CDAN1: variants seen among roughly 807,000 people sequenced by gnomAD.
CDAN1 encodes codanin 1, also known as codanin-1.
A neutral mutation model predicts 139.8 loss-of-function variants in CDAN1; 107 were observed. The ratio of observed to expected loss-of-function variants is 0.77; its 90% confidence interval spans 0.65 to 0.90. The LOEUF (loss-of-function observed/expected upper bound fraction) is 0.90, where lower values mean the gene tolerates loss of function less well. Among genes scored for constraint, CDAN1 ranks in the 40% least tolerant of loss-of-function variants. CDAN1 has a pLI of 0.00. For missense variants in CDAN1, 1,667 were observed against 1,575.7 expected (o/e 1.06, Z -0.98); for synonymous variants, 776 against 660.6 (o/e 1.17, Z -2.68).
Position 42,728,049 on chromosome 15 carries a change from A to G in CDAN1, c.2869-16T>C, listed in dbSNP as rs1566980938. 5 of 1,613,244 alleles carry G rather than the reference A, an allele frequency of 3.1e-6. No homozygotes were observed. The highest frequency in any genetic ancestry group is 4.2e-6 in the Non-Finnish European group (5 of 1,179,322). On this transcript the variant is annotated splice_polypyrimidine_tract_variant and intron_variant, in intron 21 of 27. Coordinates refer to ENST00000356231, the MANE Select transcript of CDAN1 (RefSeq NM_138477.4). ...TGCTCAGAACCTGCGAAACAGAACT[A>G]CAGAGTCAGGGGCTAGGGGAGGGCT...
intron 10 of CDAN1, 132 bp from the exon 11 acceptor site, chr15:42,731,957 T>C: frequency 1.2e-6 from 1 of 847,780 alleles, no homozygotes; most frequent in Non-Finnish European, 1.9e-6. Context: ...ATAGATTTTC[T>C]GAGATGTGAA....
At chr15:42,733,889 A>G (rs770989374) in intron 8 of CDAN1, 49 bp downstream of exon 8, 1 of 1,376,470 alleles carries the variant, frequency 7.3e-7, no homozygotes, top group Non-Finnish European at 1.0e-6. Flanking sequence ...TGCCTATTCC[A>G]GAAAAATGTC....
intron 27 of CDAN1, 70 bp downstream of exon 27, chr15:42,725,074 C>A: frequency 7.5e-7 from 1 of 1,330,634 alleles, no homozygotes; most frequent in Non-Finnish European, 1.1e-6. Flanking sequence ...CCATCACTTG[C>A]TTCCTTTCAG....
Position 42,735,598 on chromosome 15 carries a change from G to T in CDAN1, c.855C>A (p.Ser285Arg). The change falls in exon 4 of 28, where the codon AGC (serine) becomes AGA (arginine). Residue 285 changes from serine to arginine, a missense_variant. Around this residue, in one of 3 missense-constraint regions of CDAN1, gnomAD observed 487 missense variants for 422.2 expected, o/e 1.15. Transcript: ENST00000356231. ...LGSPLPSRTG[S>R]LTDEPADPAR... is the part of the protein sequence containing the mutation. Reference sequence around the variant, plus strand: ...CAGGGTCTGCAGGTTCATCTGTGAGGCTTCCTGTCCGGCTGGGGAGGGGCG... The same window carrying T: ...CAGGGTCTGCAGGTTCATCTGTGAGTCTTCCTGTCCGGCTGGGGAGGGGCG... The T allele has an allele frequency of 1.9e-6, 3 of 1,614,234 alleles. No homozygotes were observed. The highest frequency in any genetic ancestry group is 2.5e-6 in the Non-Finnish European group (3 of 1,180,032).
Position 42,735,198 on chromosome 15 carries a change from C to A in CDAN1, c.1058-20G>T. The A allele has an allele frequency of 6.2e-7, 1 of 1,609,546 alleles. No individual in the cohort carries two copies. Among genetic ancestry groups the A allele is most frequent in the Non-Finnish European group, 8.5e-7 (1 of 1,176,018 alleles). Reference sequence around the variant, plus strand: ...GGGAATCTAGAAGGACAGTACCAAGCTGTCAGTTAAGAACGGTCCCGTTTC... The same window carrying A: ...GGGAATCTAGAAGGACAGTACCAAGATGTCAGTTAAGAACGGTCCCGTTTC... On this transcript the variant is annotated intron_variant, in intron 5 of 27. Transcript: ENST00000356231.
chr15:42,731,879 G>C (rs2061617573), intron 10 of CDAN1, 54 bp from the exon 11 acceptor site: 22 of 1,490,664 alleles, frequency 1.5e-5, no homozygotes, highest in Middle Eastern at 1.7e-4. Context: ...TGGGAGGGAA[G>C]GACTGAACAA....
rs556055256 is a variant in CDAN1 at position 42,728,385 on chromosome 15, G to A, written c.2805-118C>T. ...AGGCTGTACCTTGGAAGGAGGCACC[G>A]TTTGCCCTCCCGCCCCACCCCAGGT... On this transcript the variant is annotated intron_variant, in intron 20 of 27. Transcript: ENST00000356231. The A allele has an allele frequency of 6.7e-5, 80 of 1,188,088 alleles. No homozygotes were observed. In the East Asian group the frequency reaches 8.0e-4, roughly 12 times the overall value. 73.6% of individuals were successfully genotyped at this position (1,188,088 alleles called of 1,614,324 possible).
Position 42,724,344 on chromosome 15 carries a change from G to C in CDAN1, c.*147C>G, listed in dbSNP as rs2061495050. On this transcript the variant is annotated 3_prime_UTR_variant, in exon 28 of 28. Transcript: ENST00000356231. ...CTAGGATTCGCGTGGTGGGATGCCAGGCAGTGACACCCTTAGAGCAGGAAG... is the reference window on the plus strand; with the variant it reads ...CTAGGATTCGCGTGGTGGGATGCCACGCAGTGACACCCTTAGAGCAGGAAG... 1 of 1,072,866 alleles carries C rather than the reference G, an allele frequency of 9.3e-7. No individual in the cohort carries two copies. The highest frequency in any genetic ancestry group is 1.4e-5 in the South Asian group (1 of 72,964). The allele number at this position is 1,072,866 out of a possible 1,614,324, so 66.5% of individuals were successfully genotyped here. A position where few individuals can be genotyped will look rare whatever the true frequency, so the allele number is the denominator to read the frequency against.
intron 21 of CDAN1, 64 bp downstream of exon 21, chr15:42,728,140 G>C: frequency 1.3e-6 from 2 of 1,596,392 alleles, no homozygotes; most frequent in Non-Finnish European, 8.6e-7. Flanking sequence ...CGCAGCCTCA[G>C]ACTACTCCGT....
chr15:42,725,385 A>G (rs1184654387), intron 26 of CDAN1, 104 bp downstream of exon 26: 1 of 1,509,476 alleles, frequency 6.6e-7, no homozygotes, highest in Non-Finnish European at 9.2e-7. Context: ...TCTGTGTGGA[A>G]CAGGAAGGGG....
chr15:42,736,184 C>T (rs1297131738), intron 2 of CDAN1, 106 bp from the exon 3 acceptor site: 2 of 1,572,914 alleles, frequency 1.3e-6, no homozygotes, highest in South Asian at 2.3e-5. Context: ...CAAAAACCCT[C>T]ACCATCACCC....
At chr15:42,728,510 AG>A (rs1347752314) in intron 20 of CDAN1, 141 bp downstream of exon 20, 1 of 1,257,232 alleles carries the variant, frequency 8.0e-7, no homozygotes, top group Non-Finnish European at 1.1e-6. Flanking sequence ...CAGCCAGTGC[AG>A]GGCTTATAGA....
In CDAN1 at chr15:42,732,390, G is replaced by C. The variant is rs201934948; in HGVS notation, c.1476C>G (p.Leu492=). 1.9e-6 allele frequency: 3 copies of C among 1,613,970 alleles called. No homozygotes were observed. Among genetic ancestry groups the C allele is most frequent in the Admixed American group, 1.7e-5 (1 of 60,004 alleles). Residue 492 remains leucine, a synonymous_variant, in exon 10 of 28, where the codon CTC becomes CTG. Transcript: ENST00000356231. The part of the protein sequence containing the change: ...GSRIRAMMGQ[L]SAACSHSHFV... ...AGTGGCTGTGGCTGCAGGCTGCGGA[G>C]AGCTGACCCATCATGGCCCTGAGGA...
intron 9 of CDAN1, 125 bp from the exon 10 acceptor site, chr15:42,732,533 G>T: frequency 1.2e-6 from 1 of 843,494 alleles, no homozygotes; most frequent in Non-Finnish European, 2.0e-6. Context: ...CTCAGCCAGA[G>T]CCAGCCTGCA....
Position 42,736,783 on chromosome 15 carries a change from A to G in CDAN1, c.91-3T>C. 6.5e-7 allele frequency: 1 copy of G among 1,531,134 alleles called. No individual in the cohort carries two copies. Among genetic ancestry groups the G allele is most frequent in the Non-Finnish European group, 8.7e-7 (1 of 1,145,818 alleles). The allele number at this position is 1,531,134 out of a possible 1,614,324, so 94.8% of individuals were successfully genotyped here. A position where few individuals can be genotyped will look rare whatever the true frequency, so the allele number is the denominator to read the frequency against. Reference sequence around the variant, plus strand: ...GCGGCCGCCTCCCCAGCGTTATCCTAGGGCAGAAGCACAGGTGGAGGGGCG... The same window carrying G: ...GCGGCCGCCTCCCCAGCGTTATCCTGGGGCAGAAGCACAGGTGGAGGGGCG... On this transcript the variant is annotated splice_polypyrimidine_tract_variant and splice_region_variant and intron_variant, in intron 1 of 27. Coordinates refer to ENST00000356231, the MANE Select transcript of CDAN1 (RefSeq NM_138477.4).
Position 42,736,344 on chromosome 15 carries a change from T to G in CDAN1, c.527A>C (p.Glu176Ala). Residue 176 changes from glutamate to alanine, a missense_variant, in exon 2 of 28, where the codon GAG becomes GCG. This residue lies in a region of CDAN1 where 487 missense variants were observed against 422.2 expected (regional missense o/e 1.15). Transcript: ENST00000356231. The part of the protein sequence containing the change: ...LSDPPNLSNL[E>A]EFPPVGSVPP... The stretch of plus-strand genomic sequence containing the variant: ...AACCGAGCCTACGGGAGGGAACTCC[T>G]CCAGGTTGCTGAGGTTTGGCGGATC... 2 of 1,613,898 alleles carry G rather than the reference T, an allele frequency of 1.2e-6. No homozygotes were observed. The highest frequency in any genetic ancestry group is 2.2e-5 in the South Asian group (2 of 91,086).
intron 1 of CDAN1, 116 bp downstream of exon 1, chr15:42,736,897 G>A (rs536656105): frequency 2.0e-6 from 3 of 1,464,150 alleles, no homozygotes; most frequent in East Asian, 5.9e-5. Context: ...GCGCCCAGTT[G>A]GAGTGCACTC....
At chr15:42,728,056 CA>C in intron 21 of CDAN1, 23 bp from the exon 22 acceptor site, 1 of 1,612,546 alleles carries the variant, frequency 6.2e-7, no homozygotes, top group East Asian at 2.2e-5. Context: ...ACTACAGAGT[CA>C]GGGGCTAGGG....
Position 42,735,564 on chromosome 15 carries a change from A to T in CDAN1, c.889T>A (p.Ser297Thr). 6.2e-7 allele frequency: 1 copy of T among 1,614,234 alleles called. No homozygotes were observed. The highest frequency in any genetic ancestry group is 8.5e-7 in the Non-Finnish European group (1 of 1,180,038). Reference protein sequence around the residue: ...TDEPADPARVSSRQRLELVAL... With the variant: ...TDEPADPARVTSRQRLELVAL... ...ACAAGCTCCAGGCGCTGGCGGGAAG[A>T]CACTCTGGCAGGGTCTGCAGGTTCA... Residue 297 changes from serine (S) to threonine (T), a missense_variant, in exon 4 of 28, where the codon TCT (serine) becomes ACT (threonine). Physicochemically the swap from Ser to Thr is moderately conservative, Grantham distance 58. Coordinates refer to ENST00000356231, the MANE Select transcript of CDAN1 (RefSeq NM_138477.4).
Sources: allele counts gnomAD v4.1 joint callset, GRCh38; gene constraint gnomAD v4.1.1; regional missense constraint gnomAD v4.1.1; transcripts MANE v1.5; gene names NCBI Gene and HGNC (gene_info 2026-07-23, HGNC 2026-07-21).